SV2B: variants seen among roughly 807,000 people sequenced by gnomAD.
The protein encoded by SV2B is solute carrier family 22 member B2.
SV2B carries 41 observed loss-of-function variants against 73.9 expected under a neutral mutation model. The ratio of observed to expected loss-of-function variants is 0.56; its 90% CI spans 0.43 to 0.72. SV2B has a LOEUF of 0.72. Among genes scored for constraint, SV2B ranks in the 30% least tolerant of loss-of-function variants. SV2B has a pLI of 0.00. For missense variants in SV2B, 764 were observed against 857.8 expected (o/e 0.89, Z 1.37); for synonymous variants, 314 against 314.2 (o/e 1.00, Z 0.01).
chr15:91,238,209 A>C (rs2046865945), intron 2 of SV2B, among the ~76,000 whole-genome samples: 1 of 152,228 alleles, frequency 6.6e-6, no homozygotes, highest in Non-Finnish European at 1.5e-5. Flanking sequence ...AAATTATAAT[A>C]ATTATACTAC....
rs548037295 is a variant in SV2B at position 91,209,589 on chromosome 15, T to A, written c.-391-16284T>A. On this transcript the variant is annotated intron_variant, in intron 1 of 12. Transcript: ENST00000394232. Reference sequence around the variant, plus strand: ...TAGCTGAGCTTGTCAGGTGCCAGACTGAGATAATATGTGATATTCTGTAAT... The same window carrying A: ...TAGCTGAGCTTGTCAGGTGCCAGACAGAGATAATATGTGATATTCTGTAAT... Among the ~76,000 whole-genome samples the A allele has an allele frequency of 2.6e-5, 4 of 152,330 alleles. No individual in the cohort carries two copies. The South Asian group carries it at 8.3e-4, about 32-fold the overall frequency.
intron 9 of SV2B, among the ~76,000 whole-genome samples, chr15:91,272,934 G>T (rs375336592): frequency 6.8e-6 from 1 of 147,712 alleles, no homozygotes; most frequent in African/African-American, 2.5e-5. Flanking sequence ...CCAGGTTCAA[G>T]CGATTCTCCT....
chr15:91,114,311 G>A (rs1451422111), intron 1 of SV2B, among the ~76,000 whole-genome samples: 2 of 152,134 alleles, frequency 1.3e-5, no homozygotes, highest in East Asian at 3.9e-4. Context: ...GTGCTGGGAG[G>A]GTTAATCTAT....
In SV2B at chr15:91,281,345, C is replaced by A. The variant is rs2048674937; in HGVS notation, c.1374-383C>A. Among the ~76,000 whole-genome samples the A allele has an allele frequency of 2.6e-5, 4 of 152,190 alleles. No individual in the cohort carries two copies. ...TCAGACCTTCACAATTCTATGGCTT[C>A]CAAAACTTCTAGGACCACTCCAGGG... On this transcript the variant is annotated intron_variant, in intron 9 of 12. Transcript: ENST00000394232. This position sits in a 1 kb window ranked among gnomAD's most constrained non-coding sequence, Gnocchi z 4.7.
Position 91,252,962 on chromosome 15 carries a change from G to A in SV2B, c.784+442G>A, listed in dbSNP as rs534623788. On this transcript the variant is annotated intron_variant, in intron 4 of 12. Transcript: ENST00000394232. This position sits in a 1 kb window ranked among gnomAD's most constrained non-coding sequence, Gnocchi z 4.6. ...CCTGGCATGTGGTGGAGTGGGGGCT[G>A]GAGTCCTGATGTCCCCTCAGGTGCA... is the stretch of plus-strand genomic sequence containing the variant. Among the ~76,000 whole-genome samples, 2 of 152,168 alleles carry A rather than the reference G, an allele frequency of 1.3e-5. No individual in the cohort carries two copies. The highest frequency in any genetic ancestry group is 3.8e-4 in the East Asian group (2 of 5,198).
rs2048136332 is a variant in SV2B at position 91,267,230 on chromosome 15, C to T, written c.1120-325C>T. ...AAATGTTTGCAATATCCCCCTTGCC[C>T]ACAGGCAGGGAGTAGAACTCAGCAG... On this transcript the variant is annotated intron_variant, in intron 7 of 12. Coordinates refer to ENST00000394232, the MANE Select transcript of SV2B (RefSeq NM_001323032.3). This position sits in a 1 kb window ranked among gnomAD's most constrained non-coding sequence, Gnocchi z 4.3. Among the ~76,000 whole-genome samples the T allele has an allele frequency of 6.6e-6, 1 of 152,198 alleles. No individual in the cohort carries two copies. The highest frequency in any genetic ancestry group is 1.5e-5 in the Non-Finnish European group (1 of 68,034).
intron 2 of SV2B, among the ~76,000 whole-genome samples, chr15:91,235,769 G>A (rs1319705365): frequency 1.3e-5 from 2 of 152,108 alleles, no homozygotes; most frequent in African/African-American, 4.8e-5. Flanking sequence ...TTAACTCCTT[G>A]TTGAAACTTA....
At chr15:91,251,721 A>C in intron 2 of SV2B, 98 bp from the exon 3 acceptor site, 1 of 1,338,404 alleles carries the variant, frequency 7.5e-7, no homozygotes, top group Non-Finnish European at 1.0e-6. Context: ...CAGAAATTCT[A>C]GGATAAATAA....
At position 91,128,111 on chromosome 15, in the gene SV2B, C is replaced by G. The variant is rs561027637; in HGVS notation, c.-392+27748C>G. Among the ~76,000 whole-genome samples, 1 of 152,310 alleles carries G rather than the reference C, an allele frequency of 6.6e-6. No individual in the cohort carries two copies. Among genetic ancestry groups the G allele is most frequent in the East Asian group, 1.9e-4 (1 of 5,172 alleles). ...TTCATCCCAGGGACTCAAATTAAAT[C>G]TGGGATTGTGCAGAAACTGTGTTTC... On this transcript the variant is annotated intron_variant, in intron 1 of 12. Coordinates refer to ENST00000394232, the MANE Select transcript of SV2B (RefSeq NM_001323032.3). The surrounding 1 kb of genome is among the most constrained non-coding windows in gnomAD (Gnocchi z 4.2).
At position 91,183,760 on chromosome 15, in the gene SV2B, A is replaced by G. The variant is rs1452943760; in HGVS notation, c.-391-42113A>G. On this transcript the variant is annotated intron_variant, in intron 1 of 12. Transcript: ENST00000394232. Reference sequence around the variant, plus strand: ...ATAAATGTCAATGAGCAAACAGATCAAAGAAGTAAACAAGCCAGATCCACA... The same window carrying G: ...ATAAATGTCAATGAGCAAACAGATCGAAGAAGTAAACAAGCCAGATCCACA... 2.6e-5 allele frequency among the ~76,000 whole-genome samples: 4 copies of G among 152,246 alleles called. No homozygotes were observed. The East Asian group carries it at 7.7e-4, about 29-fold the overall frequency.
rs972613533 is a variant in SV2B, at chr15:91,224,623, C to T, written c.-391-1250C>T. ...TCTGGGAAGTATGAGGACATTGGAA[C>T]GAGCTGGCTTTGGGACCAGTGACCT... On this transcript the variant is annotated intron_variant, in intron 1 of 12. Coordinates refer to ENST00000394232, the MANE Select transcript of SV2B (RefSeq NM_001323032.3). The surrounding 1 kb of genome is among the most constrained non-coding windows in gnomAD (Gnocchi z 4.9). Among the ~76,000 whole-genome samples, 1 of 152,184 alleles carries T rather than the reference C, an allele frequency of 6.6e-6. No homozygotes were observed. The highest frequency in any genetic ancestry group is 1.5e-5 in the Non-Finnish European group (1 of 68,038).
intron 1 of SV2B, among the ~76,000 whole-genome samples, chr15:91,143,629 C>T (rs1417010686): frequency 2.0e-5 from 3 of 152,180 alleles, no homozygotes; most frequent in African/African-American, 7.2e-5. Flanking sequence ...GAAAACGCAG[C>T]ATTCTTACGT....
intron 1 of SV2B, among the ~76,000 whole-genome samples, chr15:91,202,649 C>T (rs1181738699): frequency 6.6e-6 from 1 of 152,154 alleles, no homozygotes; most frequent in African/African-American, 2.4e-5. Flanking sequence ...GAGATTAGCA[C>T]ACTGGATTAA....
At position 91,124,281 on chromosome 15, in the gene SV2B, T is replaced by C. The variant is rs1005328329; in HGVS notation, c.-392+23918T>C. Among the ~76,000 whole-genome samples, 13 of 152,200 alleles carry C rather than the reference T, an allele frequency of 8.5e-5. No homozygotes were observed. Among genetic ancestry groups the C allele is most frequent in the Non-Finnish European group, 1.8e-4 (12 of 68,042 alleles). ...AATCTGTCATTTGCGATTTTAGTTT[T>C]TGTGTCTGTGGTGCCAGTGGTGTTT... On this transcript the variant is annotated intron_variant, in intron 1 of 12. Coordinates refer to ENST00000394232, the MANE Select transcript of SV2B (RefSeq NM_001323032.3). This position sits in a 1 kb window ranked among gnomAD's most constrained non-coding sequence, Gnocchi z 4.6.
Position 91,144,704 on chromosome 15 carries a change from C to T in SV2B, c.-392+44341C>T, listed in dbSNP as rs115464219. Among the ~76,000 whole-genome samples, 237 of 152,258 alleles carry T rather than the reference C, an allele frequency of 1.6e-3. 1 individual carries two copies. The highest frequency in any genetic ancestry group is 5.6e-3 in the African/African-American group (233 of 41,542). ...GCGGGACAGCTCTCAGAAGAGGACACGGGATAGAGACGCCATGCTTTCTCC... is the reference window on the plus strand; with the variant it reads ...GCGGGACAGCTCTCAGAAGAGGACATGGGATAGAGACGCCATGCTTTCTCC... On this transcript the variant is annotated intron_variant, in intron 1 of 12. Coordinates refer to ENST00000394232, the MANE Select transcript of SV2B (RefSeq NM_001323032.3).
In SV2B at chr15:91,258,384, T is replaced by C. The variant is rs1433362541; in HGVS notation, c.785-37T>C. 8 of 1,611,422 alleles carry C rather than the reference T, an allele frequency of 5.0e-6. No homozygotes were observed. Among genetic ancestry groups the C allele is most frequent in the Non-Finnish European group, 5.9e-6 (7 of 1,178,752 alleles). ...CACTCTTCCGTAGAGGAAAAGATCA[T>C]GTCCCAGAAATCCTTTGACTGACTG... is the stretch of plus-strand genomic sequence containing the variant. On this transcript the variant is annotated intron_variant, in intron 4 of 12. Coordinates refer to ENST00000394232, the MANE Select transcript of SV2B (RefSeq NM_001323032.3). The surrounding 1 kb of genome is among the most constrained non-coding windows in gnomAD (Gnocchi z 4.7).
chr15:91,198,641 T>G (rs2045347055), intron 1 of SV2B, among the ~76,000 whole-genome samples: 1 of 152,264 alleles, frequency 6.6e-6, no homozygotes, highest in African/African-American at 2.4e-5. Context: ...GGGTTTCTGC[T>G]TTGGATAACT....
intron 2 of SV2B, among the ~76,000 whole-genome samples, chr15:91,246,640 G>T (rs1411394707): frequency 6.6e-6 from 1 of 152,078 alleles, no homozygotes; most frequent in Non-Finnish European, 1.5e-5. Context: ...CCAAGGAGGG[G>T]TATTCTATTT....
intron 1 of SV2B, among the ~76,000 whole-genome samples, chr15:91,109,304 T>A (rs2041973800): frequency 6.6e-6 from 1 of 152,242 alleles, no homozygotes; most frequent in African/African-American, 2.4e-5. Flanking sequence ...AAGCTGATTG[T>A]TGAATCACAG....
Sources: allele counts gnomAD v4.1 joint callset (sites outside exome capture counted in the v4.1 genomes callset), GRCh38; gene constraint gnomAD v4.1.1; non-coding constraint Gnocchi (gnomAD v3.1); transcripts MANE v1.5; gene names NCBI Gene and HGNC (gene_info 2026-07-23, HGNC 2026-07-21).